GLRA3: variants seen among roughly 807,000 people sequenced by gnomAD.
GLRA3 encodes glycine receptor alpha 3.
In GLRA3, 44 loss-of-function variants were observed where a neutral mutation model predicts 60.4. The observed-to-expected ratio is 0.73, with a 90% CI of 0.57 to 0.94. The LOEUF is 0.94. Among genes scored for constraint, GLRA3 ranks in the 40% least tolerant of loss-of-function variants. GLRA3 has a pLI of 0.00. For missense variants in GLRA3, 508 were observed against 564.6 expected (o/e 0.90, Z 1.02); for synonymous variants, 223 against 192.9 (o/e 1.16, Z -1.29).
rs561208911 is a variant in GLRA3, at chr4:174,826,342, A to G, written c.71+2399T>C. Among the ~76,000 whole-genome samples the G allele has an allele frequency of 1.8e-4, 27 of 152,346 alleles. 1 individual carries two copies. The South Asian group carries it at 5.6e-3, about 32-fold the overall frequency. On this transcript the variant is annotated intron_variant, in intron 1 of 9. Transcript: ENST00000274093. ...TAAAGCAGACTCAGAGTAATTATAT[A>G]AAGTTCTAAAATGGAAAAGATATAC... is the stretch of plus-strand genomic sequence containing the variant.
intron 6 of GLRA3, among the ~76,000 whole-genome samples, chr4:174,680,040 G>A (rs1734281504): frequency 6.6e-6 from 1 of 152,136 alleles, no homozygotes; most frequent in Non-Finnish European, 1.5e-5. Context: ...AATCTATGAG[G>A]TGATAGATGT....
intron 2 of GLRA3, among the ~76,000 whole-genome samples, chr4:174,773,358 A>T (rs1738469487): frequency 6.6e-6 from 1 of 151,988 alleles, no homozygotes. Flanking sequence ...AAGTTTAAGA[A>T]ATGAAGTGAT....
intron 3 of GLRA3, among the ~76,000 whole-genome samples, chr4:174,733,444 A>G (rs1256511319): frequency 1.3e-5 from 2 of 152,170 alleles, no homozygotes; most frequent in Non-Finnish European, 2.9e-5. Context: ...CCCCAGTGCC[A>G]GTCAAATTTC....
At chr4:174,759,381 T>G (rs1484799711) in intron 3 of GLRA3, among the ~76,000 whole-genome samples, 1 of 152,088 alleles carries the variant, frequency 6.6e-6, no homozygotes, top group Non-Finnish European at 1.5e-5. Flanking sequence ...TATAAATAAT[T>G]AAATCTAAAA....
At chr4:174,781,209 T>C (rs1449238591) in intron 2 of GLRA3, among the ~76,000 whole-genome samples, 2 of 151,986 alleles carry the variant, frequency 1.3e-5, no homozygotes, top group Admixed American at 6.6e-5. Context: ...TGCTCCTGAA[T>C]GACTACTGGG....
chr4:174,699,766 TTAA>T (rs1267923172), intron 5 of GLRA3, among the ~76,000 whole-genome samples: 3 of 106,344 alleles, frequency 2.8e-5, no homozygotes, highest in Admixed American at 1.1e-4. Flanking sequence ...TTTTAGAGAA[TTAA>T]TATTTGTTAA....
chr4:174,824,776 T>C (rs2061015401), intron 1 of GLRA3, among the ~76,000 whole-genome samples: 1 of 152,150 alleles, frequency 6.6e-6, no homozygotes. Flanking sequence ...TTCCCTAAAA[T>C]ATTGCTATCT....
intron 2 of GLRA3, among the ~76,000 whole-genome samples, chr4:174,771,659 G>T (rs1029444217): frequency 1.3e-5 from 2 of 152,058 alleles, no homozygotes; most frequent in African/African-American, 4.8e-5. Flanking sequence ...TTAGACCACT[G>T]CTAGCTGCAC....
intron 5 of GLRA3, among the ~76,000 whole-genome samples, chr4:174,687,204 T>C (rs1477121098): frequency 2.0e-5 from 3 of 152,212 alleles, no homozygotes; most frequent in African/African-American, 7.2e-5. Context: ...ACAATCCCAT[T>C]TTTATTTATG....
intron 7 of GLRA3, among the ~76,000 whole-genome samples, chr4:174,668,742 A>G (rs1733781101): frequency 6.6e-6 from 1 of 152,208 alleles, no homozygotes; most frequent in Non-Finnish European, 1.5e-5. Context: ...ACCTACGTGT[A>G]GGAACTCTAT....
At chr4:174,696,252 C>T (rs1031912966) in intron 5 of GLRA3, among the ~76,000 whole-genome samples, 6 of 151,456 alleles carry the variant, frequency 4.0e-5, no homozygotes, top group Non-Finnish European at 5.9e-5. Flanking sequence ...AAAAGAAAAT[C>T]TAATTGTATT....
At chr4:174,759,815 T>C (rs1421341922) in intron 3 of GLRA3, among the ~76,000 whole-genome samples, 1 of 152,146 alleles carries the variant, frequency 6.6e-6, no homozygotes, top group East Asian at 1.9e-4. Flanking sequence ...TGAAAATAAA[T>C]GCCTACCTTA....
At chr4:174,746,193 G>A (rs1737239316) in intron 3 of GLRA3, among the ~76,000 whole-genome samples, 1 of 152,114 alleles carries the variant, frequency 6.6e-6, no homozygotes, top group Admixed American at 6.6e-5. Context: ...ACCTGCACTT[G>A]TACGTTTATC....
At chr4:174,787,302 T>C (rs1021160208) in intron 2 of GLRA3, among the ~76,000 whole-genome samples, 2 of 152,136 alleles carry the variant, frequency 1.3e-5, no homozygotes, top group South Asian at 4.1e-4. Context: ...TACTTCTGAA[T>C]CACTGAATAT....
At chr4:174,699,883 GTTAA>G (rs1475092022) in intron 5 of GLRA3, among the ~76,000 whole-genome samples, 7 of 150,076 alleles carry the variant, frequency 4.7e-5, no homozygotes, top group Non-Finnish European at 1.0e-4. Flanking sequence ...TACTTAATTT[GTTAA>G]TTATTTAATT....
rs1384307428 is a variant in GLRA3 at position 174,638,369 on chromosome 4, T to G, written c.*5417A>C. Reference sequence around the variant, plus strand: ...GTGCAGTGGTGCGATCTTGGCTCACTGCAACCTCCATCTCCTGGGCTCAAG... The same window carrying G: ...GTGCAGTGGTGCGATCTTGGCTCACGGCAACCTCCATCTCCTGGGCTCAAG... On this transcript the variant is annotated 3_prime_UTR_variant, in exon 10 of 10. Coordinates refer to ENST00000274093, the MANE Select transcript of GLRA3 (RefSeq NM_006529.4). 2.0e-5 allele frequency: 3 copies of G among 152,250 alleles called. No individual in the cohort carries two copies. The highest frequency in any genetic ancestry group is 4.4e-5 in the Non-Finnish European group (3 of 68,086). The allele number at this position is 152,250 out of a possible 1,614,324, so 9.4% of individuals were successfully genotyped here. A position where few individuals can be genotyped will look rare whatever the true frequency, so the allele number is the denominator to read the frequency against.
intron 1 of GLRA3, among the ~76,000 whole-genome samples, chr4:174,827,709 A>G (rs1741033987): frequency 6.6e-6 from 1 of 152,038 alleles, no homozygotes; most frequent in Non-Finnish European, 1.5e-5. Context: ...AGGCAAATGA[A>G]AATAATATAA....
intron 3 of GLRA3, among the ~76,000 whole-genome samples, chr4:174,732,289 A>G (rs940430413): frequency 1.3e-5 from 2 of 151,516 alleles, no homozygotes; most frequent in African/African-American, 2.4e-5. Flanking sequence ...CAGGAGGCGG[A>G]GCTTGCAGTG....
chr4:174,779,918 A>G (rs1303105878), intron 2 of GLRA3, among the ~76,000 whole-genome samples: 1 of 151,706 alleles, frequency 6.6e-6, no homozygotes, highest in Non-Finnish European at 1.5e-5. Flanking sequence ...AACTTCCCCA[A>G]TCTAGCAAGG....
Sources: gnomAD v4.1 joint callset for allele counts (sites outside exome capture counted in the v4.1 genomes callset) on GRCh38, gnomAD v4.1.1 for gene constraint, MANE v1.5 for transcripts, NCBI Gene and HGNC (gene_info 2026-07-23, HGNC 2026-07-21) for gene names.